Variants in SPTBN1 observed in about 807,000 individuals in gnomAD.
SPTBN1 encodes spectrin beta chain, non-erythrocytic 1.
SPTBN1 carries 32 observed loss-of-function variants against 266.4 expected under a neutral mutation model. That is an observed-to-expected ratio of 0.12 (90% CI 0.09 to 0.16). The LOEUF (loss-of-function observed/expected upper bound fraction) is 0.16. Among genes scored for constraint, SPTBN1 ranks in the 10% least tolerant of loss-of-function variants. SPTBN1 has a pLI of 1.00. For synonymous variants in SPTBN1, 1,336 were observed against 1,162.2 expected (o/e 1.15, Z -3.04); for missense variants, 2,296 against 3,067.1 (o/e 0.75, Z 5.94).
chr2:54,603,087 G>A (rs1312551695), intron 3 of SPTBN1, among the ~76,000 whole-genome samples: 1 of 152,236 alleles, frequency 6.6e-6, no homozygotes, highest in East Asian at 1.9e-4. Context: ...TAAAGTGCCA[G>A]ATGAATGGCC....
At chr2:54,511,007 G>A (rs1669831737) in intron 1 of SPTBN1, among the ~76,000 whole-genome samples, 1 of 152,244 alleles carries the variant, frequency 6.6e-6, no homozygotes, top group African/African-American at 2.4e-5. Flanking sequence ...TCTGGAAAGT[G>A]TGGTGAGGTA....
At chr2:54,504,031 C>T (rs1481682351) in intron 1 of SPTBN1, among the ~76,000 whole-genome samples, 1 of 152,204 alleles carries the variant, frequency 6.6e-6, no homozygotes, top group East Asian at 1.9e-4. Context: ...GAATTTGTTA[C>T]AATATGACTA....
chr2:54,627,492 C>T (rs1678430998), intron 12 of SPTBN1, among the ~76,000 whole-genome samples: 1 of 152,118 alleles, frequency 6.6e-6, no homozygotes, highest in South Asian at 2.1e-4. Flanking sequence ...GCCACCTGAC[C>T]CTGCTCTCCT....
chr2:54,540,032 T>C lies in SPTBN1; in HGVS notation c.148+13466T>C, dbSNP rs1251107034. On this transcript the variant is annotated intron_variant, in intron 2 of 35. Coordinates refer to ENST00000356805, the MANE Select transcript of SPTBN1 (RefSeq NM_003128.3). The surrounding 1 kb of genome is among the most constrained non-coding windows in gnomAD (Gnocchi z 5.6). ...TAAAGTAGACATGGGAAATGATCTT[T>C]CTCCCTACCATGTGAGAATCTGAGA... Among the ~76,000 whole-genome samples, 1 of 152,132 alleles carries C rather than the reference T, an allele frequency of 6.6e-6. No homozygotes were observed. The highest frequency in any genetic ancestry group is 1.9e-4 in the East Asian group (1 of 5,202).
intron 2 of SPTBN1, among the ~76,000 whole-genome samples, chr2:54,576,492 A>C (rs1201867485): frequency 1.3e-5 from 2 of 152,168 alleles, no homozygotes; most frequent in Non-Finnish European, 2.9e-5. Context: ...ACTTTGAAGA[A>C]GTAGTACTTT....
rs55947327 is a variant in SPTBN1, at chr2:54,562,696, T to TTGTGTGTGTGTGTGTGTG, written c.148+36152_148+36169dup. Among the ~76,000 whole-genome samples, 508 of 122,606 alleles carry TTGTGTGTGTGTGTGTGTG rather than the reference T, an allele frequency of 4.1e-3. 10 individuals are homozygous for TTGTGTGTGTGTGTGTGTG. Among genetic ancestry groups the TTGTGTGTGTGTGTGTGTG allele is most frequent in the African/African-American group, 0.012 (349 of 28,068 alleles). The allele number at this position is 122,606 out of a possible 152,430, so 80.4% of individuals were successfully genotyped here. A position where few individuals can be genotyped will look rare whatever the true frequency, so the allele number is the denominator to read the frequency against. ...CAGGCACTTGCCACCAAACCCTGCT[T>TTGTGTGTGTGTGTGTGTG]TGTGTGTGTGTGTGTGTGTGTGTGT... On this transcript the variant is annotated intron_variant, in intron 2 of 35. Transcript: ENST00000356805.
At chr2:54,581,639 G>A (rs1210341157) in intron 2 of SPTBN1, among the ~76,000 whole-genome samples, 1 of 132,860 alleles carries the variant, frequency 7.5e-6, no homozygotes, top group Non-Finnish European at 1.5e-5. Context: ...TGAGGTTGAA[G>A]GTACAGCCCA....
chr2:54,564,445 A>G (rs574580352), intron 2 of SPTBN1, among the ~76,000 whole-genome samples: 27 of 152,204 alleles, frequency 1.8e-4, no homozygotes, highest in Non-Finnish European at 2.8e-4. Context: ...TGGCTTCCTA[A>G]AGTGTCCCCA....
chr2:54,649,178 T>C lies in SPTBN1; in HGVS notation c.5190T>C (p.Tyr1730=), dbSNP rs770575999. ...GGTCCCATGAACTGGGACAGGACTA[T>C]GAGCATGTCACGGCAAGTACTTGAG... is the stretch of plus-strand genomic sequence containing the variant. ...VAGSHELGQD[Y]EHVTMLQERF... Residue 1730 remains tyrosine, a synonymous_variant, in exon 25 of 36, where the codon TAT becomes TAC. Transcript: ENST00000356805. The surrounding 1 kb of genome is among the most constrained non-coding windows in gnomAD (Gnocchi z 6.7). 1 of 1,600,214 alleles carries C rather than the reference T, an allele frequency of 6.2e-7. No homozygotes were observed. Among genetic ancestry groups the C allele is most frequent in the Non-Finnish European group, 8.6e-7 (1 of 1,169,360 alleles).
intron 3 of SPTBN1, among the ~76,000 whole-genome samples, chr2:54,608,189 A>G (rs1024885999): frequency 2.0e-5 from 3 of 152,212 alleles, no homozygotes; most frequent in African/African-American, 7.2e-5. Context: ...AACTGGACCA[A>G]AAACCCCTGA....
At chr2:54,630,283 C>A (rs963141150) in intron 15 of SPTBN1, among the ~76,000 whole-genome samples, 1 of 152,182 alleles carries the variant, frequency 6.6e-6, no homozygotes, top group Non-Finnish European at 1.5e-5. Flanking sequence ...AAAGTTAGGG[C>A]CTTGGTTTGA....
chr2:54,583,728 G>A (rs973102199), intron 2 of SPTBN1, among the ~76,000 whole-genome samples: 2 of 152,064 alleles, frequency 1.3e-5, no homozygotes, highest in Non-Finnish European at 2.9e-5. Flanking sequence ...AATTCAGGGT[G>A]GCATTTTATT....
chr2:54,597,866 C>CTTT (rs531763576), intron 2 of SPTBN1, among the ~76,000 whole-genome samples: 952 of 82,044 alleles, frequency 0.012, no homozygotes, highest in East Asian at 0.028. Context: ...GAGCTATCTG[C>CTTT]TTTTTTTTTT....
chr2:54,649,858 G>C lies in SPTBN1; in HGVS notation c.5446G>C (p.Glu1816Gln). 1 of 1,614,210 alleles carries C rather than the reference G, an allele frequency of 6.2e-7. No individual in the cohort carries two copies. The highest frequency in any genetic ancestry group is 1.7e-5 in the Admixed American group (1 of 60,024). ...GCACAAGTTTTACCACGATGCCAAGGAGATCTTTGGGCGTATACAGGACAA... is the reference window on the plus strand; with the variant it reads ...GCACAAGTTTTACCACGATGCCAAGCAGATCTTTGGGCGTATACAGGACAA... The part of the protein sequence containing the change: ...ELHKFYHDAK[E>Q]IFGRIQDKHK... The change falls in exon 26 of 36, where the codon GAG becomes CAG. Residue 1816 changes from glutamate (E) to glutamine (Q), a missense_variant. Coordinates refer to ENST00000356805, the MANE Select transcript of SPTBN1 (RefSeq NM_003128.3). The surrounding 1 kb of genome is among the most constrained non-coding windows in gnomAD (Gnocchi z 6.7).
chr2:54,490,781 TGTTA>T (rs1668645114), intron 1 of SPTBN1, among the ~76,000 whole-genome samples: 1 of 151,814 alleles, frequency 6.6e-6, no homozygotes, highest in African/African-American at 2.4e-5. Context: ...AAATGATTAG[TGTTA>T]GTTGGAAAGA....
At chr2:54,635,281 C>T (rs889443969) in intron 17 of SPTBN1, among the ~76,000 whole-genome samples, 1 of 152,234 alleles carries the variant, frequency 6.6e-6, no homozygotes, top group Non-Finnish European at 1.5e-5. Flanking sequence ...TCACTTCCCA[C>T]GAATGATGTC....
chr2:54,664,340 C>T lies in SPTBN1; in HGVS notation c.6421-113C>T, dbSNP rs553525669. The stretch of plus-strand genomic sequence containing the variant: ...GGTGTGCAATGGTTTTACTGTACTG[C>T]CTCGATCTGTGCCAGGCATTTATAC... On this transcript the variant is annotated intron_variant, in intron 32 of 35. Coordinates refer to ENST00000356805, the MANE Select transcript of SPTBN1 (RefSeq NM_003128.3). The surrounding 1 kb of genome is among the most constrained non-coding windows in gnomAD (Gnocchi z 5.6). The T allele has an allele frequency of 9.0e-7, 1 of 1,105,336 alleles. No individual in the cohort carries two copies. Among genetic ancestry groups the T allele is most frequent in the Non-Finnish European group, 1.3e-6 (1 of 755,404 alleles). The allele number at this position is 1,105,336 out of a possible 1,614,324, so 68.5% of individuals were successfully genotyped here. A position where few individuals can be genotyped will look rare whatever the true frequency, so the allele number is the denominator to read the frequency against.
intron 1 of SPTBN1, among the ~76,000 whole-genome samples, chr2:54,522,630 CAAAA>C (rs72506677): frequency 1.8e-5 from 2 of 113,738 alleles, no homozygotes; most frequent in Non-Finnish European, 3.8e-5. Flanking sequence ...GACTCTGTCT[CAAAA>C]AGAAAGAAAG....
intron 1 of SPTBN1, among the ~76,000 whole-genome samples, chr2:54,486,242 G>C (rs1246067300): frequency 2.0e-5 from 3 of 152,230 alleles, no homozygotes; most frequent in Admixed American, 2.0e-4. Context: ...CATTGAGAAC[G>C]GGCCAGGATG....
Sources: allele counts gnomAD v4.1 joint callset (sites outside exome capture counted in the v4.1 genomes callset), GRCh38; gene constraint gnomAD v4.1.1; non-coding constraint Gnocchi (gnomAD v3.1); transcripts MANE v1.5; gene names NCBI Gene and HGNC (gene_info 2026-07-23, HGNC 2026-07-21).